BACH2: variants seen among roughly 807,000 people sequenced by gnomAD.
BACH2 encodes the protein transcription regulator protein BACH2.
Under a neutral mutation model 61.8 loss-of-function variants are expected in BACH2, and 5 were observed. The ratio of observed to expected loss-of-function variants is 0.08; its 90% CI spans 0.04 to 0.17. BACH2 has a LOEUF of 0.17. Ranked by LOEUF, BACH2 falls within the 10% of genes least tolerant of loss-of-function variation. BACH2 has a pLI of 1.00. For synonymous variants in BACH2, 446 were observed against 440.1 expected (o/e 1.01, Z -0.17); for missense variants, 824 against 1,091.1 (o/e 0.76, Z 3.45).
chr6:90,283,005 T>C (rs759273212), intron 1 of BACH2, among the ~76,000 whole-genome samples: 2 of 152,242 alleles, frequency 1.3e-5, no homozygotes, highest in African/African-American at 2.4e-5. Flanking sequence ...TTCATTCACA[T>C]CCTTACATGG....
intron 1 of BACH2, among the ~76,000 whole-genome samples, chr6:90,281,055 T>C (rs1438517821): frequency 6.6e-6 from 1 of 152,136 alleles, no homozygotes; most frequent in African/African-American, 2.4e-5. Context: ...TTAAAATAAA[T>C]CCCTTGGGAC....
intron 4 of BACH2, among the ~76,000 whole-genome samples, chr6:90,173,347 G>T (rs1047513427): frequency 2.6e-5 from 4 of 152,136 alleles, no homozygotes; most frequent in African/African-American, 9.7e-5. Flanking sequence ...ACACAGACTT[G>T]CATGTGAATG....
At chr6:90,265,853 A>G (rs988149815) in intron 2 of BACH2, among the ~76,000 whole-genome samples, 3 of 152,224 alleles carry the variant, frequency 2.0e-5, no homozygotes, top group African/African-American at 7.2e-5. Flanking sequence ...TGAGAACAGA[A>G]GAAATGAACA....
At chr6:89,939,638 A>G (rs2128354159) in intron 7 of BACH2, among the ~76,000 whole-genome samples, 2 of 149,498 alleles carry the variant, frequency 1.3e-5, no homozygotes, top group South Asian at 4.3e-4. Context: ...CTATGTTGTT[A>G]AATGATTGCT....
intron 1 of BACH2, among the ~76,000 whole-genome samples, chr6:90,284,370 T>G (rs756316904): frequency 7.2e-5 from 11 of 152,250 alleles, no homozygotes; most frequent in Non-Finnish European, 1.3e-4. Flanking sequence ...CTGTTTCCTC[T>G]GACTCGCATT....
intron 1 of BACH2, among the ~76,000 whole-genome samples, chr6:90,276,455 A>T (rs528230637): frequency 2.6e-5 from 4 of 152,370 alleles, no homozygotes; most frequent in African/African-American, 9.6e-5. Flanking sequence ...TTAAAGGTAG[A>T]CACTGAAGTC....
chr6:90,157,223 C>T (rs954282071), intron 4 of BACH2, among the ~76,000 whole-genome samples: 2 of 152,194 alleles, frequency 1.3e-5, no homozygotes, highest in African/African-American at 2.4e-5. Flanking sequence ...AAACACTTTT[C>T]GAAACATATG....
At chr6:90,212,088 A>G (rs1443072080) in intron 3 of BACH2, among the ~76,000 whole-genome samples, 2 of 152,240 alleles carry the variant, frequency 1.3e-5, no homozygotes, top group Admixed American at 6.5e-5. Context: ...TCAGATGGAC[A>G]GGTGAGAGCA....
At chr6:90,033,546 T>C (rs572434434) in intron 5 of BACH2, among the ~76,000 whole-genome samples, 7 of 152,120 alleles carry the variant, frequency 4.6e-5, no homozygotes, top group Non-Finnish European at 8.8e-5. Context: ...ATGATCTTCC[T>C]GGGAAAATGG....
chr6:90,013,572 T>C (rs1293006269), intron 5 of BACH2, among the ~76,000 whole-genome samples: 2 of 149,540 alleles, frequency 1.3e-5, no homozygotes, highest in Non-Finnish European at 3.0e-5. Context: ...AGTGGCGCGA[T>C]CTCGGCTCAC....
chr6:89,991,890 C>T (rs1427664041), intron 6 of BACH2, among the ~76,000 whole-genome samples: 1 of 152,126 alleles, frequency 6.6e-6, no homozygotes, highest in Non-Finnish European at 1.5e-5. Context: ...CTAGTCATAG[C>T]ATTATGTTTA....
At chr6:90,163,830 T>C (rs1399821502) in intron 4 of BACH2, among the ~76,000 whole-genome samples, 1 of 152,190 alleles carries the variant, frequency 6.6e-6, no homozygotes, top group Non-Finnish European at 1.5e-5. Context: ...AGACACATAA[T>C]ATACTTTTTC....
intron 4 of BACH2, among the ~76,000 whole-genome samples, chr6:90,118,937 A>G (rs1489415400): frequency 2.6e-5 from 4 of 152,192 alleles, no homozygotes; most frequent in Admixed American, 6.5e-5. Flanking sequence ...TAAAATGGAG[A>G]TAATAGTACT....
intron 2 of BACH2, among the ~76,000 whole-genome samples, chr6:90,271,366 TAA>T (rs3073450): frequency 0.31 from 32,316 of 103,544 alleles, 4,231 homozygotes; most frequent in Non-Finnish European, 0.39. Flanking sequence ...CAACCCCATT[TAA>T]AAAAAAAAAA....
At position 90,128,865 on chromosome 6, in the gene BACH2, T is replaced by C. The variant is rs181126163; in HGVS notation, c.-161-39756A>G. Among the ~76,000 whole-genome samples the C allele has an allele frequency of 9.2e-5, 14 of 152,252 alleles. No homozygotes were observed. In the East Asian group the frequency reaches 2.7e-3, roughly 29 times the overall value. On this transcript the variant is annotated intron_variant, in intron 4 of 8. Transcript: ENST00000257749. ...AAGAAAATGTGGCACATATACACCATGGAATACTATGCAGCCATAAAAAAT... is the reference window on the plus strand; with the variant it reads ...AAGAAAATGTGGCACATATACACCACGGAATACTATGCAGCCATAAAAAAT...
At chr6:90,131,525 G>A (rs1035421467) in intron 4 of BACH2, among the ~76,000 whole-genome samples, 6 of 152,238 alleles carry the variant, frequency 3.9e-5, no homozygotes, top group South Asian at 2.1e-4. Context: ...AAATCTCAGC[G>A]AAAGCCTCTG....
chr6:90,195,369 A>C (rs972760911), intron 4 of BACH2, among the ~76,000 whole-genome samples: 1 of 152,190 alleles, frequency 6.6e-6, no homozygotes, highest in African/African-American at 2.4e-5. Flanking sequence ...AAGAAGTCCA[A>C]GGAAAAAACA....
rs146116032 is a variant in BACH2 at position 89,981,374 on chromosome 6, C to T, written c.243+27228G>A. ...GCCAGGATGGTATCGATCTCCTGAC[C>T]TCGTGATTTGCCCGCCTCGGCCTCC... On this transcript the variant is annotated intron_variant, in intron 6 of 8. Transcript: ENST00000257749. Among the ~76,000 whole-genome samples, 899 of 152,112 alleles carry T rather than the reference C, an allele frequency of 5.9e-3. 5 individuals carry two copies. The highest frequency in any genetic ancestry group is 0.021 in the African/African-American group (854 of 41,494).
chr6:90,230,134 T>G (rs534205916), intron 3 of BACH2, among the ~76,000 whole-genome samples: 14 of 152,308 alleles, frequency 9.2e-5, no homozygotes, highest in Non-Finnish European at 2.1e-4. Flanking sequence ...CAGAGAGGTT[T>G]TGAGAAAGGA....
Sources: gnomAD v4.1 joint callset for allele counts (sites outside exome capture counted in the v4.1 genomes callset) on GRCh38, gnomAD v4.1.1 for gene constraint, MANE v1.5 for transcripts, NCBI Gene and HGNC (gene_info 2026-07-23, HGNC 2026-07-21) for gene names.